PRKN: variants seen among roughly 807,000 people sequenced by gnomAD.
The protein encoded by PRKN is parkin RBR E3 ubiquitin protein ligase.
PRKN carries 56 observed loss-of-function variants against 59.5 expected under a neutral mutation model. The observed-to-expected ratio is 0.94, with a 90% confidence interval of 0.76 to 1.18. The LOEUF (loss-of-function observed/expected upper bound fraction) is 1.18, where lower values mean the gene tolerates loss of function less well. Among genes scored for constraint, PRKN ranks in the 50% most tolerant of loss-of-function variants. The pLI is 0.00. For missense variants in PRKN, 657 were observed against 596.4 expected (o/e 1.10, Z -1.06); for synonymous variants, 250 against 222.1 (o/e 1.13, Z -1.12).
At chr6:162,722,591 T>A (rs564709564) in intron 1 of PRKN, among the ~76,000 whole-genome samples, 1 of 152,198 alleles carries the variant, frequency 6.6e-6, no homozygotes, top group African/African-American at 2.4e-5. Context: ...TAAGAAACAA[T>A]TTTCATTGAT....
At chr6:162,564,103 T>C (rs1161060374) in intron 1 of PRKN, among the ~76,000 whole-genome samples, 2 of 152,060 alleles carry the variant, frequency 1.3e-5, no homozygotes, top group Admixed American at 6.6e-5. Context: ...TCCCAGCACT[T>C]TGGGAGGCCG....
chr6:161,785,671 T>A (rs1790382872), intron 7 of PRKN, 101 bp downstream of exon 7: 4 of 1,121,888 alleles, frequency 3.6e-6, no homozygotes, highest in Non-Finnish European at 5.3e-6. Flanking sequence ...ATTTAAATTC[T>A]TCTGCTAGGG....
At chr6:161,512,607 C>G (rs1030035980) in intron 9 of PRKN, among the ~76,000 whole-genome samples, 2 of 152,128 alleles carry the variant, frequency 1.3e-5, no homozygotes, top group African/African-American at 2.4e-5. Flanking sequence ...AATTGGTATA[C>G]AAGGTTTGTC....
rs191834922 is a variant in PRKN at position 162,162,281 on chromosome 6, A to C, written c.534+38850T>G. Among the ~76,000 whole-genome samples the C allele has an allele frequency of 3.1e-3, 473 of 152,312 alleles. 3 individuals carry two copies. Among genetic ancestry groups the C allele is most frequent in the Non-Finnish European group, 3.6e-3 (245 of 68,026 alleles). ...CCGCACCTGACCTTACATAGCATTT[A>C]AATTGTATTAGGTAATCCAGAGATG... On this transcript the variant is annotated intron_variant, in intron 4 of 11. Transcript: ENST00000366898.
chr6:162,415,778 C>T (rs1562748027), intron 2 of PRKN, among the ~76,000 whole-genome samples: 1 of 152,126 alleles, frequency 6.6e-6, no homozygotes, highest in Non-Finnish European at 1.5e-5. Context: ...AATTGCGCCA[C>T]TGCACTCCAG....
rs189159848 is a variant in PRKN at position 162,308,955 on chromosome 6, T to C, written c.172-46190A>G. On this transcript the variant is annotated intron_variant, in intron 2 of 11. Transcript: ENST00000366898. Reference sequence around the variant, plus strand: ...ATGCAAATACTCTGATTTCAATTTATTGAAATCAAGGAAATAAACATAAAA... The same window carrying C: ...ATGCAAATACTCTGATTTCAATTTACTGAAATCAAGGAAATAAACATAAAA... 2.5e-3 allele frequency among the ~76,000 whole-genome samples: 380 copies of C among 152,184 alleles called. 1 individual carries two copies. The highest frequency in any genetic ancestry group is 8.7e-3 in the African/African-American group (360 of 41,504).
chr6:161,430,921 A>G (rs1183192204), intron 9 of PRKN, among the ~76,000 whole-genome samples: 1 of 151,126 alleles, frequency 6.6e-6, no homozygotes, highest in Non-Finnish European at 1.5e-5. Flanking sequence ...GGATCACCTG[A>G]GGTCAGAAGT....
chr6:161,987,451 C>A (rs1781477148), intron 5 of PRKN, among the ~76,000 whole-genome samples: 1 of 152,160 alleles, frequency 6.6e-6, no homozygotes, highest in Non-Finnish European at 1.5e-5. Flanking sequence ...CCCCTGCAGA[C>A]AGCAAAATCT....
intron 1 of PRKN, among the ~76,000 whole-genome samples, chr6:162,597,684 CTT>C (rs1781544616): frequency 6.6e-6 from 1 of 152,144 alleles, no homozygotes; most frequent in Non-Finnish European, 1.5e-5. Flanking sequence ...ATAGATTGAA[CTT>C]TTATCATATA....
chr6:162,656,923 T>G (rs2128227541), intron 1 of PRKN, among the ~76,000 whole-genome samples: 1 of 152,342 alleles, frequency 6.6e-6, no homozygotes. Flanking sequence ...GTTAGGAGCT[T>G]TCCTCTTCTC....
intron 6 of PRKN, among the ~76,000 whole-genome samples, chr6:161,835,919 C>T (rs6932879): frequency 0.027 from 4,110 of 152,272 alleles, 78 homozygotes; most frequent in East Asian, 0.067. Flanking sequence ...CCCACACAGA[C>T]GCATTTTCAG....
intron 6 of PRKN, among the ~76,000 whole-genome samples, chr6:161,852,650 G>A (rs757833330): frequency 7.2e-5 from 11 of 152,174 alleles, no homozygotes; most frequent in Non-Finnish European, 1.5e-4. Flanking sequence ...AAAGCAATAT[G>A]GGGTTCTGGC....
chr6:162,313,060 G>GA (rs1425141056), intron 2 of PRKN, among the ~76,000 whole-genome samples: 1 of 152,084 alleles, frequency 6.6e-6, no homozygotes, highest in Non-Finnish European at 1.5e-5. Flanking sequence ...GCAATCAAAT[G>GA]AAAATGATTT....
chr6:161,658,298 G>A (rs1303601627), intron 7 of PRKN, among the ~76,000 whole-genome samples: 2 of 152,072 alleles, frequency 1.3e-5, no homozygotes, highest in Non-Finnish European at 2.9e-5. Context: ...AATTGGAAGT[G>A]TTGGTCAATT....
intron 1 of PRKN, among the ~76,000 whole-genome samples, chr6:162,520,110 A>C (rs1461528984): frequency 1.3e-5 from 2 of 152,128 alleles, no homozygotes; most frequent in Admixed American, 1.3e-4. Context: ...ATATTTTTAA[A>C]TATGGCTTAG....
At chr6:162,279,062 G>A (rs1420331405) in intron 2 of PRKN, among the ~76,000 whole-genome samples, 1 of 152,150 alleles carries the variant, frequency 6.6e-6, no homozygotes, top group African/African-American at 2.4e-5. Flanking sequence ...GAGGTGAGGT[G>A]GCTCACGGCT....
intron 2 of PRKN, among the ~76,000 whole-genome samples, chr6:162,385,903 A>C (rs566782066): frequency 1.7e-3 from 257 of 152,322 alleles, no homozygotes; most frequent in African/African-American, 5.2e-3. Flanking sequence ...TTTTTCAAAA[A>C]GTAACTTCAA....
In PRKN at chr6:162,618,238, G is replaced by A. The variant is rs1335337447; in HGVS notation, c.7+109424C>T. On this transcript the variant is annotated intron_variant, in intron 1 of 11. Coordinates refer to ENST00000366898, the MANE Select transcript of PRKN (RefSeq NM_004562.3). ...TCAAATTTCAATATTTTAAGGAAAG[G>A]GTCTTATGAAGTGTGTATTCAATCT... 2.0e-5 allele frequency among the ~76,000 whole-genome samples: 3 copies of A among 152,044 alleles called. No homozygotes were observed. In the East Asian group the frequency reaches 5.8e-4, roughly 29 times the overall value.
intron 9 of PRKN, among the ~76,000 whole-genome samples, chr6:161,514,374 A>G (rs1778509792): frequency 6.6e-6 from 1 of 152,132 alleles, no homozygotes; most frequent in Non-Finnish European, 1.5e-5. Context: ...GGGTCAGACC[A>G]TATAAGGCTG....
Sources: allele counts gnomAD v4.1 joint callset (sites outside exome capture counted in the v4.1 genomes callset), GRCh38; gene constraint gnomAD v4.1.1; transcripts MANE v1.5; gene names NCBI Gene and HGNC (gene_info 2026-07-23, HGNC 2026-07-21).